The following CLSTN2 variants were observed in gnomAD, a reference collection of about 807,000 sequenced individuals.
The protein encoded by CLSTN2 is calsyntenin-2.
A neutral mutation model predicts 101.2 loss-of-function variants in CLSTN2; 48 were observed. The ratio of observed to expected loss-of-function variants is 0.47; its 90% CI spans 0.38 to 0.60. The LOEUF (loss-of-function observed/expected upper bound fraction) is 0.60, where lower values mean the gene tolerates loss of function less well. CLSTN2 is among the 20% of genes least tolerant of loss of function. The pLI is 0.00. For missense variants in CLSTN2, 1,160 were observed against 1,238.2 expected (o/e 0.94, Z 0.95); for synonymous variants, 481 against 463.6 (o/e 1.04, Z -0.48).
At chr3:140,223,454 A>AG (rs969169854) in intron 2 of CLSTN2, among the ~76,000 whole-genome samples, 3 of 152,148 alleles carry the variant, frequency 2.0e-5, no homozygotes, top group African/African-American at 7.2e-5. Context: ...AGGGAGCTAA[A>AG]GGGGGTCCTT....
At chr3:140,506,711 G>C (rs1272863687) in intron 8 of CLSTN2, 1 of 152,200 alleles carries the variant, frequency 6.6e-6, no homozygotes. Flanking sequence ...AAAGAGTCAA[G>C]AGCTGGGCTA....
At chr3:140,045,465 C>CA (rs1207605807) in intron 1 of CLSTN2, among the ~76,000 whole-genome samples, 2 of 151,826 alleles carry the variant, frequency 1.3e-5, no homozygotes, top group African/African-American at 4.8e-5. Context: ...TTGATCTTTT[C>CA]AAAAAAACCA....
At chr3:140,547,077 T>C (rs914663940) in intron 10 of CLSTN2, among the ~76,000 whole-genome samples, 1 of 152,240 alleles carries the variant, frequency 6.6e-6, no homozygotes, top group African/African-American at 2.4e-5. Context: ...CTTAGGACCT[T>C]GTGAAATACA....
At chr3:140,486,371 G>A (rs927182728) in intron 8 of CLSTN2, among the ~76,000 whole-genome samples, 1 of 152,158 alleles carries the variant, frequency 6.6e-6, no homozygotes, top group African/African-American at 2.4e-5. Flanking sequence ...TAAATCCAAT[G>A]ATTATAACTG....
intron 2 of CLSTN2, among the ~76,000 whole-genome samples, chr3:140,275,943 G>T (rs2086790979): frequency 6.6e-6 from 1 of 152,204 alleles, no homozygotes; most frequent in Non-Finnish European, 1.5e-5. Context: ...AGGATTGTAA[G>T]CAGGGGCATA....
intron 1 of CLSTN2, among the ~76,000 whole-genome samples, chr3:140,104,444 G>A (rs990291893): frequency 3.9e-5 from 6 of 152,236 alleles, no homozygotes; most frequent in African/African-American, 1.4e-4. Flanking sequence ...GCTCGGCTAA[G>A]AGGAGCTCCT....
Position 140,178,679 on chromosome 3 carries a change from A to C in CLSTN2, c.232+2606A>C, listed in dbSNP as rs563836579. ...CTAAGACAGGACACAGGCACTAGCC[A>C]TCCATCCATGCTGCAGGCGTTTATT... On this transcript the variant is annotated intron_variant, in intron 2 of 16. Transcript: ENST00000458420. 5.9e-5 allele frequency among the ~76,000 whole-genome samples: 9 copies of C among 152,354 alleles called. No individual in the cohort carries two copies. In the East Asian group the frequency reaches 1.5e-3, roughly 26 times the overall value.
chr3:139,965,022 T>G (rs893817734), intron 1 of CLSTN2, among the ~76,000 whole-genome samples: 1 of 152,184 alleles, frequency 6.6e-6, no homozygotes, highest in African/African-American at 2.4e-5. Context: ...ACGGTTGATA[T>G]TTTATACTTT....
At chr3:140,365,768 C>A (rs1372923424) in intron 2 of CLSTN2, among the ~76,000 whole-genome samples, 1 of 152,182 alleles carries the variant, frequency 6.6e-6, no homozygotes, top group Non-Finnish European at 1.5e-5. Context: ...GGGGTTGGTG[C>A]TTTGGAGATA....
intron 2 of CLSTN2, among the ~76,000 whole-genome samples, chr3:140,253,289 T>A (rs542632091): frequency 1.3e-5 from 2 of 152,220 alleles, no homozygotes; most frequent in South Asian, 4.2e-4. Context: ...TGGGTCCTGC[T>A]GCGGTCACTG....
chr3:140,477,672 C>CA (rs1934018243), intron 8 of CLSTN2, among the ~76,000 whole-genome samples: 1 of 152,170 alleles, frequency 6.6e-6, no homozygotes, highest in Non-Finnish European at 1.5e-5. Context: ...GACCAAGCAC[C>CA]ATGCTCCAAA....
chr3:140,157,453 C>A (rs2009974107), intron 1 of CLSTN2, among the ~76,000 whole-genome samples: 1 of 152,164 alleles, frequency 6.6e-6, no homozygotes, highest in Admixed American at 6.5e-5. Flanking sequence ...CACATTCCTC[C>A]TGGTTCAATC....
intron 2 of CLSTN2, among the ~76,000 whole-genome samples, chr3:140,379,650 G>A (rs2087957906): frequency 2.6e-5 from 4 of 152,158 alleles, no homozygotes; most frequent in Admixed American, 2.6e-4. Context: ...AAATGTGCAT[G>A]CCCAGTATAT....
chr3:140,014,489 G>T (rs2007155409), intron 1 of CLSTN2, among the ~76,000 whole-genome samples: 1 of 152,262 alleles, frequency 6.6e-6, no homozygotes, highest in South Asian at 2.1e-4. Flanking sequence ...AAATTGTTGA[G>T]ATTACAGGCA....
intron 4 of CLSTN2, among the ~76,000 whole-genome samples, chr3:140,419,835 ATATATATGTGTATATATATATG>A (rs1460266678): frequency 1.5e-4 from 5 of 34,440 alleles, no homozygotes; most frequent in African/African-American, 5.5e-4. Flanking sequence ...GTATATGTGT[ATATATATGTGTATATATATATG>A]TATATATATA....
At chr3:140,559,876 A>G (rs190674461) in intron 12 of CLSTN2, among the ~76,000 whole-genome samples, 1 of 152,334 alleles carries the variant, frequency 6.6e-6, no homozygotes, top group East Asian at 1.9e-4. Flanking sequence ...TAAAAAATAG[A>G]TGATGTTTTA....
At position 140,480,999 on chromosome 3, in the gene CLSTN2, T is replaced by C. The variant is rs1297209115; in HGVS notation, c.1344+14268T>C. On this transcript the variant is annotated intron_variant, in intron 8 of 16. Transcript: ENST00000458420. ...GCTTTTGTTGCCATTGCTTTTGGTGTTTTAGACATGAAGTCCTTGCCCATG... is the reference window on the plus strand; with the variant it reads ...GCTTTTGTTGCCATTGCTTTTGGTGCTTTAGACATGAAGTCCTTGCCCATG... Among the ~76,000 whole-genome samples, 20 of 152,336 alleles carry C rather than the reference T, an allele frequency of 1.3e-4. No homozygotes were observed. In the East Asian group the frequency reaches 3.9e-3, roughly 29 times the overall value.
chr3:139,977,656 C>CT (rs1935842180), intron 1 of CLSTN2, among the ~76,000 whole-genome samples: 1 of 134,382 alleles, frequency 7.4e-6, no homozygotes, highest in Non-Finnish European at 1.5e-5. Context: ...TTCATACTGA[C>CT]TTTTTTGTTA....
At chr3:140,188,737 G>A (rs561086830) in intron 2 of CLSTN2, among the ~76,000 whole-genome samples, 63 of 152,294 alleles carry the variant, frequency 4.1e-4, no homozygotes, top group African/African-American at 1.4e-3. Flanking sequence ...GGTAATTACA[G>A]ATTCATATGC....
Sources: gnomAD v4.1 joint callset for allele counts (sites outside exome capture counted in the v4.1 genomes callset) on GRCh38, gnomAD v4.1.1 for gene constraint, MANE v1.5 for transcripts, NCBI Gene and HGNC (gene_info 2026-07-23, HGNC 2026-07-21) for gene names.